The following MYO5B variants were observed in gnomAD, a reference collection of about 807,000 sequenced individuals.
The protein encoded by MYO5B is unconventional myosin-Vb.
In MYO5B, 143 loss-of-function variants were observed where a neutral mutation model predicts 229.3. That is an observed-to-expected ratio of 0.62 (90% CI 0.54 to 0.72). The LOEUF is 0.72. Ranked by LOEUF, MYO5B falls within the 30% of genes least tolerant of loss-of-function variation. MYO5B has a pLI of 0.00. For synonymous variants in MYO5B, 918 were observed against 885.2 expected (o/e 1.04, Z -0.66); for missense variants, 2,321 against 2,331.0 (o/e 1.00, Z 0.09).
At chr18:50,007,278 TG>T (rs1462486632) in intron 4 of MYO5B, among the ~76,000 whole-genome samples, 1 of 152,202 alleles carries the variant, frequency 6.6e-6, no homozygotes, top group Non-Finnish European at 1.5e-5. Flanking sequence ...TAAGAGGCAC[TG>T]GGGATTTCTC....
chr18:49,994,451 T>C (rs2025965677), intron 5 of MYO5B, among the ~76,000 whole-genome samples: 2 of 152,232 alleles, frequency 1.3e-5, no homozygotes, highest in Admixed American at 6.5e-5. Context: ...ACTTTTACTT[T>C]AGGGTTTAAA....
intron 1 of MYO5B, among the ~76,000 whole-genome samples, chr18:50,101,378 C>A (rs2031651737): frequency 1.3e-5 from 2 of 152,150 alleles, no homozygotes; most frequent in Non-Finnish European, 2.9e-5. Flanking sequence ...CCATCATATT[C>A]CTGTATGGGG....
intron 17 of MYO5B, among the ~76,000 whole-genome samples, chr18:49,922,776 T>C (rs2025088382): frequency 6.6e-6 from 1 of 151,866 alleles, no homozygotes; most frequent in Non-Finnish European, 1.5e-5. Context: ...TACCTGTAAT[T>C]ACAAAAAGAA....
At chr18:50,044,120 T>C (rs777531861) in intron 2 of MYO5B, among the ~76,000 whole-genome samples, 3 of 152,096 alleles carry the variant, frequency 2.0e-5, no homozygotes, top group African/African-American at 4.8e-5. Context: ...ACAAGTGGTA[T>C]TGGTTTCAGT....
At chr18:49,914,169 C>T (rs1044635045) in intron 17 of MYO5B, among the ~76,000 whole-genome samples, 1 of 152,200 alleles carries the variant, frequency 6.6e-6, no homozygotes, top group African/African-American at 2.4e-5. Context: ...CACTGTGACA[C>T]TGGGGCTTCA....
Position 50,036,955 on chromosome 18 carries a change from G to T in MYO5B, c.350C>A (p.Pro117Gln). Residue 117 changes from proline to glutamine, a missense_variant, in exon 4 of 40, where the codon CCA becomes CAA. By Grantham distance (76) the Pro-to-Gln change is moderately conservative. Around this residue, in one of 2 missense-constraint regions of MYO5B, gnomAD observed 2,113 missense variants for 2,044.7 expected, o/e 1.03. Coordinates refer to ENST00000285039, the MANE Select transcript of MYO5B (RefSeq NM_001080467.3). Reference protein sequence around the residue: ...LVAINPYEQLPIYGQDVIYTY... With the variant: ...LVAINPYEQLQIYGQDVIYTY... ...ATAGATGACATCTTGTCCATAGATT[G>T]GCAACTGTTCATAAGGATTAATGGC... 6.2e-7 allele frequency: 1 copy of T among 1,614,122 alleles called. No individual in the cohort carries two copies. Among genetic ancestry groups the T allele is most frequent in the Non-Finnish European group, 8.5e-7 (1 of 1,180,018 alleles).
intron 1 of MYO5B, among the ~76,000 whole-genome samples, chr18:50,093,738 T>C (rs2031495820): frequency 6.6e-6 from 1 of 151,772 alleles, no homozygotes; most frequent in Admixed American, 6.6e-5. Flanking sequence ...TCAGCGCTCA[T>C]TAAACACTAA....
chr18:50,055,173 T>C (rs2144417068), intron 2 of MYO5B, 95 bp downstream of exon 2: 4 of 863,972 alleles, frequency 4.6e-6, no homozygotes, highest in East Asian at 2.6e-5. Flanking sequence ...CAGGGAAAAC[T>C]CCAGCCCACA....
Position 49,826,195 on chromosome 18 carries a change from T to C in MYO5B, c.*276A>G. The C allele has an allele frequency of 2.3e-6, 1 of 437,182 alleles. No homozygotes were observed. The highest frequency in any genetic ancestry group is 4.2e-6 in the Non-Finnish European group (1 of 235,570). The allele number at this position is 437,182 out of a possible 1,614,324, so 27.1% of individuals were successfully genotyped here. The stretch of plus-strand genomic sequence containing the variant: ...AGAATTGACACCTTTTATATGTCTA[T>C]GGGGACTGCTTGGTGTCTATAAATT... On this transcript the variant is annotated 3_prime_UTR_variant, in exon 40 of 40. Transcript: ENST00000285039.
intron 9 of MYO5B, among the ~76,000 whole-genome samples, chr18:49,978,691 TAATACACACACAC>T (rs1245891092): frequency 9.7e-6 from 1 of 103,248 alleles, no homozygotes; most frequent in Non-Finnish European, 2.0e-5. Context: ...AGGCAGCAAG[TAATACACACACAC>T]ACACACACAC....
intron 2 of MYO5B, among the ~76,000 whole-genome samples, chr18:50,042,595 G>A (rs1333038251): frequency 2.0e-5 from 3 of 152,230 alleles, no homozygotes; most frequent in Admixed American, 6.5e-5. Context: ...AATGGCGAAT[G>A]TCCGAGGGCT....
At chr18:50,002,013 G>A (rs1282122506) in intron 4 of MYO5B, among the ~76,000 whole-genome samples, 2 of 125,150 alleles carry the variant, frequency 1.6e-5, no homozygotes. Context: ...TCCAGCGTGG[G>A]CAACAGAGCA....
intron 29 of MYO5B, among the ~76,000 whole-genome samples, chr18:49,859,730 T>A (rs1294575963): frequency 1.3e-5 from 2 of 152,114 alleles, no homozygotes; most frequent in Non-Finnish European, 2.9e-5. Flanking sequence ...TTGGGGAACA[T>A]AAGGAAATGA....
At chr18:49,979,861 G>A (rs73963103) in intron 9 of MYO5B, among the ~76,000 whole-genome samples, 12 of 152,114 alleles carry the variant, frequency 7.9e-5, no homozygotes, top group Admixed American at 3.3e-4. Context: ...TCCATCACCC[G>A]TCCATCCACT....
chr18:50,192,618 C>CT lies in MYO5B; in HGVS notation c.27+2148dup, dbSNP rs368320812. ...GTCCTTTTCTGCCACAACAATGCTCCTTCTCATTCCTCTCAAAGAAGAGCA... is the reference window on the plus strand; with the variant it reads ...GTCCTTTTCTGCCACAACAATGCTCCTTTCTCATTCCTCTCAAAGAAGAGCA... On this transcript the variant is annotated intron_variant, in intron 1 of 39. Transcript: ENST00000285039. Among the ~76,000 whole-genome samples the CT allele has an allele frequency of 7.5e-3, 1,143 of 152,338 alleles. 7 individuals carry two copies. Among genetic ancestry groups the CT allele is most frequent in the Middle Eastern group, 0.02 (6 of 294 alleles).
chr18:50,036,038 C>T (rs1159052949), intron 4 of MYO5B, among the ~76,000 whole-genome samples: 1 of 152,120 alleles, frequency 6.6e-6, no homozygotes, highest in African/African-American at 2.4e-5. Flanking sequence ...ATCACTAACT[C>T]CTTTTACTAA....
Position 50,173,110 on chromosome 18 carries a change from A to G in MYO5B, c.27+21657T>C, listed in dbSNP as rs566570617. Among the ~76,000 whole-genome samples the G allele has an allele frequency of 3.9e-5, 6 of 152,188 alleles. No homozygotes were observed. The South Asian group carries it at 6.2e-4, about 16-fold the overall frequency. On this transcript the variant is annotated intron_variant, in intron 1 of 39. Coordinates refer to ENST00000285039, the MANE Select transcript of MYO5B (RefSeq NM_001080467.3). ...GAACCCCGTCGCTACTAAAAACACA[A>G]AAAAATTAGCTGGGCATGGTGGCAC...
At chr18:49,907,815 C>A (rs556478468) in intron 18 of MYO5B, among the ~76,000 whole-genome samples, 2 of 152,382 alleles carry the variant, frequency 1.3e-5, no homozygotes, top group Admixed American at 1.3e-4. Flanking sequence ...CTGGGCCAGG[C>A]TGCTCGTGAA....
At chr18:50,175,856 C>T (rs1327178574) in intron 1 of MYO5B, among the ~76,000 whole-genome samples, 1 of 152,242 alleles carries the variant, frequency 6.6e-6, no homozygotes, top group African/African-American at 2.4e-5. Flanking sequence ...GAGGGGTGTT[C>T]AACTGACCAC....
Sources: gnomAD v4.1 joint callset for allele counts (sites outside exome capture counted in the v4.1 genomes callset) on GRCh38, gnomAD v4.1.1 for gene constraint, gnomAD v4.1.1 regional missense constraint, MANE v1.5 for transcripts, NCBI Gene and HGNC (gene_info 2026-07-23, HGNC 2026-07-21) for gene names.